ABCA6: variants seen among roughly 807,000 people sequenced by gnomAD.
The protein encoded by ABCA6 is ATP-binding cassette sub-family A member 6.
ABCA6 carries 164 observed loss-of-function variants against 191.2 expected under a neutral mutation model. That is an observed-to-expected ratio of 0.86 (90% CI 0.76 to 0.98). ABCA6 has a LOEUF of 0.98. ABCA6 is among the 50% of genes least tolerant of loss of function. ABCA6 has a pLI of 0.00. For missense variants in ABCA6, 1,958 were observed against 1,894.1 expected, an observed-to-expected ratio of 1.03 and a Z score of -0.63; for synonymous variants, 636 against 647.7, an observed-to-expected ratio of 0.98 and a Z score of 0.27.
intron 23 of ABCA6, 109 bp from the exon 24 acceptor site, chr17:69,096,910 ATCT>A: frequency 3.2e-6 from 3 of 944,090 alleles, no homozygotes; most frequent in East Asian, 6.2e-5. Flanking sequence ...ATATAATCTA[ATCT>A]TCTAATATTA....
At chr17:69,135,916 T>G in intron 4 of ABCA6, 176 bp downstream of exon 4, 1 of 633,354 alleles carries the variant, frequency 1.6e-6, no homozygotes, top group Non-Finnish European at 2.7e-6. Flanking sequence ...CTCTACAATT[T>G]TTGCAGTCAT....
intron 22 of ABCA6, among the ~76,000 whole-genome samples, chr17:69,099,292 CTT>C (rs1258175819): frequency 6.6e-6 from 1 of 152,012 alleles, no homozygotes; most frequent in Admixed American, 6.6e-5. Flanking sequence ...TTATTTAAGA[CTT>C]TGAGGGCTAT....
At chr17:69,083,472 C>A (rs1237441099) in intron 34 of ABCA6, 141 bp from the exon 35 acceptor site, 3 of 728,986 alleles carry the variant, frequency 4.1e-6, no homozygotes, top group Non-Finnish European at 5.9e-6. Context: ...TTTTTGATAA[C>A]ATAAATAACA....
intron 17 of ABCA6, chr17:69,109,685 T>A (rs980396558): frequency 1.3e-5 from 2 of 152,156 alleles, no homozygotes; most frequent in African/African-American, 4.8e-5. Context: ...TCACACTCCA[T>A]CTTGCTCAGG....
At chr17:69,085,783 A>C in intron 30 of ABCA6, 67 bp from the exon 31 acceptor site, 1 of 1,143,362 alleles carries the variant, frequency 8.7e-7, no homozygotes, top group Non-Finnish European at 1.3e-6. Context: ...CTTTTGCTCC[A>C]GTGAAATCTT....
intron 6 of ABCA6, among the ~76,000 whole-genome samples, chr17:69,131,779 C>T (rs762474858): frequency 2.0e-5 from 3 of 152,142 alleles, no homozygotes; most frequent in African/African-American, 7.2e-5. Context: ...CACATACATA[C>T]TAAGAATCAC....
intron 17 of ABCA6, chr17:69,109,642 C>T (rs2073380926): frequency 6.6e-6 from 1 of 152,094 alleles, no homozygotes; most frequent in African/African-American, 2.4e-5. Flanking sequence ...CAGTTGTGTG[C>T]CCTTGTAAGC....
intron 25 of ABCA6, chr17:69,095,626 G>A (rs913093317): frequency 6.6e-6 from 1 of 152,160 alleles, no homozygotes; most frequent in Non-Finnish European, 1.5e-5. Context: ...TCTTTGGTTG[G>A]GTTCTTCTCA....
intron 20 of ABCA6, chr17:69,104,110 G>A (rs1244456031): frequency 6.6e-6 from 1 of 151,882 alleles, no homozygotes; most frequent in Non-Finnish European, 1.5e-5. Context: ...ATGCCATATG[G>A]TGACCCACAT....
Position 69,110,629 on chromosome 17 carries a change from C to T in ABCA6, c.2272+172G>A, listed in dbSNP as rs1468130068. 1.6e-5 allele frequency: 11 copies of T among 686,572 alleles called. No individual in the cohort carries two copies. In the Admixed American group the frequency reaches 1.6e-4, roughly 10 times the overall value. 42.5% of individuals were successfully genotyped at this position (686,572 alleles called of 1,614,324 possible). The stretch of plus-strand genomic sequence containing the variant: ...TCCCCATTATCTGCTGGTGCTTCCA[C>T]GAAGCAACTACCCAATAAATCAGTG... On this transcript the variant is annotated intron_variant, in intron 17 of 38. Transcript: ENST00000284425.
At chr17:69,092,109 T>A (rs1027747210) in intron 25 of ABCA6, among the ~76,000 whole-genome samples, 3 of 152,006 alleles carry the variant, frequency 2.0e-5, no homozygotes, top group African/African-American at 7.2e-5. Context: ...TATTTTACAA[T>A]TTTTTTTACT....
At chr17:69,115,545 C>G in intron 11 of ABCA6, 59 bp from the exon 12 acceptor site, 2 of 1,260,600 alleles carry the variant, frequency 1.6e-6, no homozygotes, top group Admixed American at 3.6e-5. Context: ...AGGCATTAGA[C>G]AGGCCTGGTC....
At chr17:69,118,556 C>T (rs1343039260) in intron 10 of ABCA6, among the ~76,000 whole-genome samples, 8 of 152,096 alleles carry the variant, frequency 5.3e-5, no homozygotes, top group Non-Finnish European at 8.8e-5. Flanking sequence ...CAGTGAACCA[C>T]TTCATAATGA....
rs1038939367 is a variant in ABCA6 at position 69,103,085 on chromosome 17, T to C, written c.2741-117A>G. 6.6e-6 allele frequency: 4 copies of C among 607,596 alleles called. No homozygotes were observed. In the Admixed American group the frequency reaches 1.2e-4, roughly 18 times the overall value. The allele number at this position is 607,596 out of a possible 1,614,324, so 37.6% of individuals were successfully genotyped here. On this transcript the variant is annotated intron_variant, in intron 20 of 38. Coordinates refer to ENST00000284425, the MANE Select transcript of ABCA6 (RefSeq NM_080284.3). ...ATTTATGGAATACTATGTATAAATG[T>C]CTTTCTTTGGGTATCACAATAATAA...
chr17:69,086,737 T>C lies in ABCA6; in HGVS notation c.3820-2A>G. ...ACAGCTGGCAATTATAACAGGTTTC[T>C]AGAAGAGATGACAGCATGATTTTCC... On this transcript the variant is annotated splice_acceptor_variant, in intron 29 of 38. Coordinates refer to ENST00000284425, the MANE Select transcript of ABCA6 (RefSeq NM_080284.3). LOFTEE classifies it high-confidence loss of function. The C allele has an allele frequency of 1.9e-6, 3 of 1,596,600 alleles. No individual in the cohort carries two copies. Among genetic ancestry groups the C allele is most frequent in the South Asian group, 1.1e-5 (1 of 90,184 alleles).
intron 35 of ABCA6, 71 bp downstream of exon 35, chr17:69,083,141 C>T (rs2072682636): frequency 1.3e-6 from 2 of 1,562,254 alleles, no homozygotes; most frequent in African/African-American, 1.4e-5. Flanking sequence ...CAGCCACACA[C>T]AGGGATTTTT....
chr17:69,098,054 T>G (rs1002575465), intron 22 of ABCA6, 27 bp from the exon 23 acceptor site: 1 of 1,470,256 alleles, frequency 6.8e-7, no homozygotes, highest in Non-Finnish European at 9.2e-7. Context: ...TAGCTTAAAC[T>G]AGTGAATATT....
In ABCA6 at chr17:69,091,281, T is replaced by C; in HGVS notation, c.3409-19A>G. 1 of 1,607,346 alleles carries C rather than the reference T, an allele frequency of 6.2e-7. No homozygotes were observed. The highest frequency in any genetic ancestry group is 8.5e-7 in the Non-Finnish European group (1 of 1,178,754). ...TGGAGGCCTACAAGGCAAGTTCAAATATATTGTATCAGACATACTCAACCC... is the reference window on the plus strand; with the variant it reads ...TGGAGGCCTACAAGGCAAGTTCAAACATATTGTATCAGACATACTCAACCC... On this transcript the variant is annotated intron_variant, in intron 25 of 38. Transcript: ENST00000284425.
intron 13 of ABCA6, among the ~76,000 whole-genome samples, chr17:69,114,399 C>T (rs1004275625): frequency 8.3e-6 from 1 of 120,436 alleles, no homozygotes; most frequent in Non-Finnish European, 1.6e-5. Context: ...GAACATCACA[C>T]ATGGGGGCCT....
Sources: gnomAD v4.1 joint callset for allele counts (sites outside exome capture counted in the v4.1 genomes callset) on GRCh38, gnomAD v4.1.1 for gene constraint, MANE v1.5 for transcripts, NCBI Gene and HGNC (gene_info 2026-07-23, HGNC 2026-07-21) for gene names.